NUP210L: variants seen among roughly 807,000 people sequenced by gnomAD.
NUP210L encodes the protein nuclear pore membrane glycoprotein 210-like.
NUP210L carries 74 observed loss-of-function variants against 208.5 expected under a neutral mutation model. The observed-to-expected ratio is 0.35, with a 90% CI of 0.29 to 0.43. The LOEUF (loss-of-function observed/expected upper bound fraction) is 0.43, where lower values mean the gene tolerates loss of function less well. Among genes scored for constraint, NUP210L ranks in the 20% least tolerant of loss-of-function variants. The pLI is 1.00. For missense variants in NUP210L, 1,843 were observed against 2,289.4 expected (o/e 0.81, Z 3.98); for synonymous variants, 780 against 816.9 (o/e 0.95, Z 0.77).
intron 32 of NUP210L, 106 bp downstream of exon 32, chr1:154,022,020 C>T (rs1215725442): frequency 1.9e-6 from 2 of 1,029,664 alleles, no homozygotes; most frequent in Admixed American, 1.8e-5. Context: ...TGGGTATAAA[C>T]CACTATACCA....
At chr1:154,070,195 CA>C in intron 17 of NUP210L, 77 bp downstream of exon 17, 1 of 1,243,238 alleles carries the variant, frequency 8.0e-7, no homozygotes, top group Non-Finnish European at 1.1e-6. Context: ...GAACTTAAAG[CA>C]AAAAACAAAA....
At chr1:154,152,036 G>A (rs1286929086) in intron 2 of NUP210L, among the ~76,000 whole-genome samples, 1 of 130,322 alleles carries the variant, frequency 7.7e-6, no homozygotes, top group Non-Finnish European at 1.5e-5. Context: ...GTTACAGTGA[G>A]CCAAGATCAC....
At position 154,132,904 on chromosome 1, in the gene NUP210L, A is replaced by G. The variant is rs545404400; in HGVS notation, c.1009+2910T>C. Among the ~76,000 whole-genome samples the G allele has an allele frequency of 2.6e-5, 4 of 152,320 alleles. No homozygotes were observed. The East Asian group carries it at 7.7e-4, about 29-fold the overall frequency. ...TATACAAGAAATACTGTACCTTTCA[A>G]GTCTGATAGAATTTTTTTGGTGTTG... On this transcript the variant is annotated intron_variant, in intron 7 of 39. Transcript: ENST00000368559.
intron 23 of NUP210L, among the ~76,000 whole-genome samples, chr1:154,055,176 T>TTTCTTTCTTTCTTCTTTCTTTC (rs1553228989): frequency 8.3e-6 from 1 of 120,068 alleles, no homozygotes; most frequent in Non-Finnish European, 1.9e-5. Flanking sequence ...TCTTTCTTTC[T>TTTCTTTCTTTCTTCTTTCTTTC]TTCTTTCTTT....
chr1:154,102,895 T>C (rs1656541732), intron 13 of NUP210L, among the ~76,000 whole-genome samples: 1 of 152,106 alleles, frequency 6.6e-6, no homozygotes, highest in South Asian at 2.1e-4. Context: ...GAAAAGAGCT[T>C]GAGGCTAGAA....
intron 10 of NUP210L, among the ~76,000 whole-genome samples, chr1:154,125,572 T>C (rs904066937): frequency 4.8e-5 from 7 of 145,174 alleles, no homozygotes; most frequent in Non-Finnish European, 1.0e-4. Flanking sequence ...CAGTGAGCCA[T>C]GAGTGCACCA....
At chr1:154,009,319 T>C (rs1266286673) in intron 35 of NUP210L, among the ~76,000 whole-genome samples, 1 of 152,132 alleles carries the variant, frequency 6.6e-6, no homozygotes, top group African/African-American at 2.4e-5. Context: ...ATCCTATTCT[T>C]TTATTTGGAA....
At chr1:154,053,538 C>T (rs542528852) in intron 25 of NUP210L, among the ~76,000 whole-genome samples, 16 of 152,170 alleles carry the variant, frequency 1.1e-4, no homozygotes, top group African/African-American at 3.6e-4. Flanking sequence ...TGAAGGTTGT[C>T]GGTTTACCAG....
At chr1:154,136,492 A>T (rs1658553788) in intron 6 of NUP210L, among the ~76,000 whole-genome samples, 1 of 151,582 alleles carries the variant, frequency 6.6e-6, no homozygotes, top group Admixed American at 6.6e-5. Flanking sequence ...AAATATATAT[A>T]TACAGAGAGA....
intron 37 of NUP210L, among the ~76,000 whole-genome samples, chr1:153,996,417 C>T (rs1649869886): frequency 1.3e-5 from 2 of 152,260 alleles, no homozygotes; most frequent in Non-Finnish European, 1.5e-5. Flanking sequence ...TAATCTCTAT[C>T]TTGAAACATT....
At chr1:154,030,095 A>C (rs1652125085) in intron 27 of NUP210L, 41 bp from the exon 28 acceptor site, 1 of 1,376,824 alleles carries the variant, frequency 7.3e-7, no homozygotes, top group African/African-American at 1.5e-5. Flanking sequence ...TTCATCAATA[A>C]ACATGGTGTC....
intron 10 of NUP210L, among the ~76,000 whole-genome samples, chr1:154,123,890 A>AG (rs1557993134): frequency 2.7e-5 from 4 of 150,566 alleles, no homozygotes; most frequent in South Asian, 4.2e-4. Flanking sequence ...AAAAAAAAAA[A>AG]AGAGAGAGAG....
At chr1:154,121,480 G>C (rs1165711917) in intron 10 of NUP210L, among the ~76,000 whole-genome samples, 1 of 152,082 alleles carries the variant, frequency 6.6e-6, no homozygotes, top group South Asian at 2.1e-4. Flanking sequence ...CTTAGGATTG[G>C]TCTGAATAAC....
chr1:154,008,816 C>T (rs1650727492), intron 35 of NUP210L, among the ~76,000 whole-genome samples: 1 of 152,182 alleles, frequency 6.6e-6, no homozygotes, highest in Non-Finnish European at 1.5e-5. Flanking sequence ...CTGAATGAAC[C>T]TTCCTTCAGT....
intron 5 of NUP210L, 115 bp downstream of exon 5, chr1:154,139,687 C>CAAAAAAAAAAAAAAAAAAAA (rs879154434): frequency 2.1e-6 from 1 of 487,360 alleles, no homozygotes; most frequent in Non-Finnish European, 3.5e-6. Flanking sequence ...AACAAACAAA[C>CAAAAAAAAAAAAAAAAAAAA]AAAAAAAAAA....
chr1:154,024,903 T>C (rs1258113164), intron 30 of NUP210L, among the ~76,000 whole-genome samples: 1 of 147,250 alleles, frequency 6.8e-6, no homozygotes, highest in Non-Finnish European at 1.5e-5. Context: ...AAGACAATCA[T>C]ATAAATTTAG....
At chr1:154,010,116 A>C in exon 35 of NUP210L, 5 of 1,611,536 alleles carry the variant, frequency 3.1e-6, no homozygotes, top group Non-Finnish European at 4.2e-6. Context: ...TTTGGGGTAC[A>C]GAATCCTGAA....
intron 32 of NUP210L, among the ~76,000 whole-genome samples, chr1:154,021,138 C>T (rs938723911): frequency 6.6e-6 from 1 of 151,898 alleles, no homozygotes; most frequent in Non-Finnish European, 1.5e-5. Context: ...GATGGGGTTT[C>T]ACCATGTTGG....
intron 14 of NUP210L, among the ~76,000 whole-genome samples, chr1:154,099,632 T>C (rs576040063): frequency 6.6e-6 from 1 of 152,340 alleles, no homozygotes; most frequent in Admixed American, 6.5e-5. Flanking sequence ...TACACTAATA[T>C]ACTAACTTCG....
Sources: allele counts gnomAD v4.1 joint callset (sites outside exome capture counted in the v4.1 genomes callset), GRCh38; gene constraint gnomAD v4.1.1; transcripts MANE v1.5; gene names NCBI Gene and HGNC (gene_info 2026-07-23, HGNC 2026-07-21).